Variants in PHF14 observed in about 807,000 individuals in gnomAD.
PHF14 encodes PHD finger protein 14.
Under a neutral mutation model 117.9 loss-of-function variants are expected in PHF14, and 55 were observed. The ratio of observed to expected loss-of-function variants is 0.47; its 90% CI spans 0.38 to 0.58. The LOEUF (loss-of-function observed/expected upper bound fraction) is 0.58. Ranked by LOEUF, PHF14 falls within the 20% of genes least tolerant of loss-of-function variation. The probability of loss-of-function intolerance (pLI) is 0.00; values close to 1 mark genes in which losing one functional copy is unlikely to be tolerated. For missense variants in PHF14, 978 were observed against 1,122.2 expected, an observed-to-expected ratio of 0.87 and a Z score of 1.84; for synonymous variants, 409 against 368.6, an observed-to-expected ratio of 1.11 and a Z score of -1.26.
chr7:10,985,825 G>C (rs1373086101), intron 3 of PHF14, among the ~76,000 whole-genome samples: 2 of 151,420 alleles, frequency 1.3e-5, no homozygotes, highest in Non-Finnish European at 2.9e-5. Flanking sequence ...GCACATTTTT[G>C]TATTTTTAGT....
At chr7:11,021,897 C>A (rs10276899) in intron 5 of PHF14, among the ~76,000 whole-genome samples, 1,947 of 152,106 alleles carry the variant, frequency 0.013, 35 homozygotes, top group African/African-American at 0.045. Context: ...CCACAAAAAC[C>A]AGAACCATGT....
At chr7:11,018,210 A>G (rs1341894395) in intron 5 of PHF14, among the ~76,000 whole-genome samples, 1 of 151,968 alleles carries the variant, frequency 6.6e-6, no homozygotes, top group Non-Finnish European at 1.5e-5. Context: ...TTTTTTGCTT[A>G]GGATAGCTTT....
chr7:11,118,191 G>A lies in PHF14; in HGVS notation c.2772+6724G>A, dbSNP rs146010248. On this transcript the variant is annotated intron_variant, in intron 17 of 17. Coordinates refer to ENST00000634607, the MANE Select transcript of PHF14 (RefSeq NM_001007157.2). ...TTAGAATTAAATAGAACAAATCTGC[G>A]GTGTTTTGTAGACTTACTAAAAGTC... 6.3e-3 allele frequency among the ~76,000 whole-genome samples: 963 copies of A among 151,948 alleles called. 7 individuals carry two copies. The highest frequency in any genetic ancestry group is 0.031 in the Middle Eastern group (9 of 294).
chr7:11,033,449 G>T (rs934144349), intron 7 of PHF14, among the ~76,000 whole-genome samples: 19 of 152,090 alleles, frequency 1.2e-4, no homozygotes, highest in African/African-American at 4.6e-4. Flanking sequence ...AGAGTAGGCA[G>T]CTTCCTTTCA....
chr7:10,982,705 C>T lies in PHF14; in HGVS notation c.446C>T (p.Ala149Val), dbSNP rs769767613. 13 of 1,610,184 alleles carry T rather than the reference C, an allele frequency of 8.1e-6. No homozygotes were observed. The highest frequency in any genetic ancestry group is 1.1e-5 in the Non-Finnish European group (13 of 1,178,052). The change falls in exon 3 of 18, where the codon GCT becomes GTT. Residue 149 changes from alanine to valine, a missense_variant. By Grantham distance (64) the Ala-to-Val change is moderately conservative. Coordinates refer to ENST00000634607, the MANE Select transcript of PHF14 (RefSeq NM_001007157.2). ...TVSENVAASA[A>V]ATTPATSPPA... ...TCTGAGAATGTGGCTGCTTCTGCTG[C>T]TGCCACCACACCAGCCACAAGTCCT... is the stretch of plus-strand genomic sequence containing the variant.
At chr7:11,017,880 A>T (rs1054907375) in intron 5 of PHF14, among the ~76,000 whole-genome samples, 2 of 152,060 alleles carry the variant, frequency 1.3e-5, no homozygotes, top group Non-Finnish European at 2.9e-5. Flanking sequence ...TTCTTGTAGT[A>T]TTTTCATAGT....
chr7:11,014,221 C>T (rs532586423), intron 5 of PHF14, among the ~76,000 whole-genome samples: 12 of 152,162 alleles, frequency 7.9e-5, no homozygotes, highest in African/African-American at 1.2e-4. Context: ...ATAACTTATT[C>T]GTTCAAGACC....
At chr7:11,081,381 G>A (rs1251400429) in intron 16 of PHF14, among the ~76,000 whole-genome samples, 1 of 152,146 alleles carries the variant, frequency 6.6e-6, no homozygotes, top group African/African-American at 2.4e-5. Flanking sequence ...TCTTTATGGT[G>A]CTCATTATAA....
intron 4 of PHF14, among the ~76,000 whole-genome samples, chr7:10,998,381 G>C (rs1423326244): frequency 6.6e-6 from 1 of 151,894 alleles, no homozygotes; most frequent in Non-Finnish European, 1.5e-5. Flanking sequence ...AATTTATTTG[G>C]GAGAATAAAC....
intron 7 of PHF14, among the ~76,000 whole-genome samples, chr7:11,029,225 C>T (rs961188917): frequency 6.6e-6 from 1 of 152,142 alleles, no homozygotes; most frequent in African/African-American, 2.4e-5. Context: ...CTGTTACTAT[C>T]TCTTTACTGT....
At chr7:11,068,380 A>G (rs1785496871) in intron 16 of PHF14, among the ~76,000 whole-genome samples, 1 of 151,014 alleles carries the variant, frequency 6.6e-6, no homozygotes, top group Admixed American at 6.6e-5. Context: ...AAAATCTGAT[A>G]CTGCAACATA....
intron 4 of PHF14, among the ~76,000 whole-genome samples, chr7:11,003,341 C>T (rs868761245): frequency 5.7e-4 from 87 of 152,250 alleles, no homozygotes; most frequent in Middle Eastern, 3.4e-3. Flanking sequence ...TGTTTGGGGG[C>T]TTTCATATAT....
chr7:11,089,124 T>C (rs1434854748), intron 16 of PHF14, among the ~76,000 whole-genome samples: 1 of 150,224 alleles, frequency 6.7e-6, no homozygotes, highest in African/African-American at 2.4e-5. Context: ...CCCTGATCAG[T>C]TAACCGCAGC....
chr7:10,983,926 A>G (rs1016477076), intron 3 of PHF14, among the ~76,000 whole-genome samples: 5 of 152,238 alleles, frequency 3.3e-5, no homozygotes, highest in African/African-American at 9.6e-5. Flanking sequence ...TCAGTCAAAC[A>G]CATTTGTGTC....
At chr7:11,067,040 T>C (rs1443514689) in intron 16 of PHF14, among the ~76,000 whole-genome samples, 4 of 152,078 alleles carry the variant, frequency 2.6e-5, no homozygotes, top group African/African-American at 7.2e-5. Flanking sequence ...GGTTAACCCA[T>C]AGGATAGGGG....
At chr7:11,100,898 C>T (rs776350607) in intron 16 of PHF14, among the ~76,000 whole-genome samples, 1 of 151,968 alleles carries the variant, frequency 6.6e-6, no homozygotes, top group Admixed American at 6.6e-5. Flanking sequence ...AAAGTAGATA[C>T]TTCCTCTTAA....
At position 11,040,704 on chromosome 7, in the gene PHF14, C is replaced by G. The variant is rs1240854690; in HGVS notation, c.2109C>G (p.Pro703=). 6.4e-7 allele frequency: 1 copy of G among 1,567,160 alleles called. No individual in the cohort carries two copies. The highest frequency in any genetic ancestry group is 8.7e-7 in the Non-Finnish European group (1 of 1,154,864). The change falls in exon 12 of 18, where the codon CCC becomes CCG. Residue 703 remains proline, a synonymous_variant. Transcript: ENST00000634607. ...KLNIPAILRA[P]KERKPSKKEG... ...ATATACCGGCAATTTTGCGAGCACC[C>G]AAGGAGAGAAAACCAAGTAAAAAAG... is the stretch of plus-strand genomic sequence containing the variant.
Position 11,062,301 on chromosome 7 carries a change from G to C in PHF14, c.2654+216G>C, listed in dbSNP as rs141624726. 354 of 333,644 alleles carry C rather than the reference G, an allele frequency of 1.1e-3. 1 individual carries two copies. Among genetic ancestry groups the C allele is most frequent in the African/African-American group, 7.2e-3 (339 of 47,202 alleles). 20.7% of individuals were successfully genotyped at this position (333,644 alleles called of 1,614,324 possible). Reference sequence around the variant, plus strand: ...TGTAAATAAGAGTGATAATCTGCCTGTTTAACACAGGGAATTATTTTTCTC... The same window carrying C: ...TGTAAATAAGAGTGATAATCTGCCTCTTTAACACAGGGAATTATTTTTCTC... On this transcript the variant is annotated intron_variant, in intron 16 of 17. Coordinates refer to ENST00000634607, the MANE Select transcript of PHF14 (RefSeq NM_001007157.2).
intron 16 of PHF14, 41 bp downstream of exon 16, chr7:11,062,126 T>A: frequency 6.5e-7 from 1 of 1,527,362 alleles, no homozygotes; most frequent in Non-Finnish European, 8.8e-7. Context: ...GGGATGAAAG[T>A]TCTATATTTA....
Sources: allele counts gnomAD v4.1 joint callset (sites outside exome capture counted in the v4.1 genomes callset), GRCh38; gene constraint gnomAD v4.1.1; transcripts MANE v1.5; gene names NCBI Gene and HGNC (gene_info 2026-07-23, HGNC 2026-07-21).